The following MYO1B variants were observed in gnomAD, a reference collection of about 807,000 sequenced individuals.
MYO1B encodes the protein myosin IB.
Under a neutral mutation model 159.7 loss-of-function variants are expected in MYO1B, and 72 were observed. That is an observed-to-expected ratio of 0.45 (90% CI 0.37 to 0.55). The LOEUF is 0.55. Among genes scored for constraint, MYO1B ranks in the 20% least tolerant of loss-of-function variants. The pLI is 0.00. For synonymous variants in MYO1B, 468 were observed against 473.8 expected (o/e 0.99, Z 0.16); for missense variants, 1,062 against 1,364.8 (o/e 0.78, Z 3.50).
chr2:191,419,374 A>G (rs1697788643), intron 30 of MYO1B, among the ~76,000 whole-genome samples: 1 of 151,726 alleles, frequency 6.6e-6, no homozygotes, highest in Non-Finnish European at 1.5e-5. Flanking sequence ...GCCCGCCACC[A>G]CGCCCGGCTA....
At chr2:191,271,145 A>G (rs572764292) in intron 1 of MYO1B, among the ~76,000 whole-genome samples, 1 of 152,354 alleles carries the variant, frequency 6.6e-6, no homozygotes, top group South Asian at 2.1e-4. Flanking sequence ...TCATGCATAC[A>G]TGACCACTAT....
Position 191,409,033 on chromosome 2 carries a change from A to G in MYO1B, c.2632-11A>G, listed in dbSNP as rs775055541. On this transcript the variant is annotated splice_polypyrimidine_tract_variant and intron_variant, in intron 25 of 30. Coordinates refer to ENST00000392318, the MANE Select transcript of MYO1B (RefSeq NM_001130158.3). ...TTTCCTCATGTAGTATTTTCTGTCA[A>G]CCCAACACAGGTGCAAAAATACTTC... is the stretch of plus-strand genomic sequence containing the variant. The G allele has an allele frequency of 6.2e-6, 10 of 1,605,636 alleles. No homozygotes were observed. The highest frequency in any genetic ancestry group is 2.2e-5 in the East Asian group (1 of 44,726).
chr2:191,271,690 A>G (rs1220855688), intron 1 of MYO1B, among the ~76,000 whole-genome samples: 1 of 152,230 alleles, frequency 6.6e-6, no homozygotes, highest in Non-Finnish European at 1.5e-5. Context: ...TTCAAATTCA[A>G]TGGAGGAGCA....
chr2:191,291,991 A>G (rs1228359568), intron 2 of MYO1B, among the ~76,000 whole-genome samples: 1 of 152,194 alleles, frequency 6.6e-6, no homozygotes, highest in South Asian at 2.1e-4. Flanking sequence ...GAGTTATTCT[A>G]CTGGCCCATG....
chr2:191,292,262 TA>T (rs1688728802), intron 2 of MYO1B, among the ~76,000 whole-genome samples: 1 of 152,208 alleles, frequency 6.6e-6, no homozygotes, highest in African/African-American at 2.4e-5. Context: ...AGTCAAACTC[TA>T]AAATATTTAA....
intron 7 of MYO1B, among the ~76,000 whole-genome samples, chr2:191,354,256 AAATAATAATAATAAT>A (rs71030337): frequency 7.0e-4 from 100 of 143,854 alleles, no homozygotes; most frequent in East Asian, 2.4e-3. Context: ...ACTCCGTCTT[AAATAATAATAATAAT>A]AATAATAATA....
chr2:191,372,446 C>T (rs1286344469), intron 13 of MYO1B, among the ~76,000 whole-genome samples: 1 of 152,126 alleles, frequency 6.6e-6, no homozygotes, highest in Non-Finnish European at 1.5e-5. Context: ...AACTCATAAA[C>T]AATTCGAGTC....
At chr2:191,371,036 C>T (rs1478422345) in intron 13 of MYO1B, 1 of 152,182 alleles carries the variant, frequency 6.6e-6, no homozygotes, top group Non-Finnish European at 1.5e-5. Context: ...ACATTATCTA[C>T]TTATGTTAGA....
At chr2:191,358,056 T>C (rs942015767) in intron 7 of MYO1B, among the ~76,000 whole-genome samples, 1 of 152,204 alleles carries the variant, frequency 6.6e-6, no homozygotes, top group Non-Finnish European at 1.5e-5. Context: ...TTAGGCGAAT[T>C]CATGTATTTA....
At chr2:191,392,277 T>C in intron 19 of MYO1B, 76 bp downstream of exon 19, 1 of 1,054,310 alleles carries the variant, frequency 9.5e-7, no homozygotes. Context: ...TGTTTAACTT[T>C]ATAACATTAT....
intron 14 of MYO1B, among the ~76,000 whole-genome samples, 165 bp downstream of exon 14, chr2:191,381,731 A>G (rs534301315): frequency 1.2e-4 from 19 of 152,316 alleles, no homozygotes; most frequent in East Asian, 5.8e-4. Context: ...CTGATTACCT[A>G]TAAGAAGCTA....
At position 191,414,040 on chromosome 2, in the gene MYO1B, T is replaced by C; in HGVS notation, c.2874-8T>C. ...TATTTCTAATGTGCAGGAATTTTTT[T>C]CCTTTAGTGTTGGGCAACCATTCCA... On this transcript the variant is annotated splice_polypyrimidine_tract_variant and splice_region_variant and intron_variant, in intron 27 of 30. Transcript: ENST00000392318. 6.3e-7 allele frequency: 1 copy of C among 1,584,734 alleles called. No homozygotes were observed. The highest frequency in any genetic ancestry group is 1.2e-5 in the South Asian group (1 of 84,412).
At chr2:191,389,500 C>T (rs941319463) in intron 17 of MYO1B, among the ~76,000 whole-genome samples, 2 of 152,194 alleles carry the variant, frequency 1.3e-5, no homozygotes, top group Non-Finnish European at 2.9e-5. Flanking sequence ...GGCTGTCCAC[C>T]GTGTCAACAT....
chr2:191,305,511 C>T (rs1372445168), intron 3 of MYO1B, among the ~76,000 whole-genome samples: 1 of 152,198 alleles, frequency 6.6e-6, no homozygotes, highest in African/African-American at 2.4e-5. Flanking sequence ...TCCCAGATCC[C>T]CAAGTGCAAG....
chr2:191,353,255 T>G (rs764900338), intron 7 of MYO1B, among the ~76,000 whole-genome samples: 19 of 152,274 alleles, frequency 1.2e-4, no homozygotes, highest in Middle Eastern at 3.4e-3. Flanking sequence ...TCCTAGTTTG[T>G]TAAGGTTTGT....
At chr2:191,247,581 T>A (rs1435623759) in intron 1 of MYO1B, among the ~76,000 whole-genome samples, 1 of 152,228 alleles carries the variant, frequency 6.6e-6, no homozygotes, top group Non-Finnish European at 1.5e-5. Context: ...TCATTAGAAC[T>A]AACACACTGC....
intron 26 of MYO1B, 22 bp from the exon 27 acceptor site, chr2:191,411,044 T>C: frequency 7.3e-7 from 1 of 1,368,212 alleles, no homozygotes; most frequent in East Asian, 2.3e-5. Context: ...ATGTTTTGTT[T>C]CTTTCTTCTC....
rs1162826212 is a variant in MYO1B, at chr2:191,368,801, C to T, written c.1033-741C>T. On this transcript the variant is annotated intron_variant, in intron 11 of 30. Coordinates refer to ENST00000392318, the MANE Select transcript of MYO1B (RefSeq NM_001130158.3). ...CCAGTCTGGCTAACAAGGCAAAACC[C>T]TGTCTGTACAAAAAATACAAAAATT... Among the ~76,000 whole-genome samples, 3 of 152,028 alleles carry T rather than the reference C, an allele frequency of 2.0e-5. No individual in the cohort carries two copies. The East Asian group carries it at 5.8e-4, about 29-fold the overall frequency.
chr2:191,321,765 T>C (rs1002503523), intron 3 of MYO1B, among the ~76,000 whole-genome samples: 2 of 152,178 alleles, frequency 1.3e-5, no homozygotes, highest in Non-Finnish European at 2.9e-5. Flanking sequence ...TGAATATCTT[T>C]AGGAGTTTAC....
Sources: allele counts gnomAD v4.1 joint callset (sites outside exome capture counted in the v4.1 genomes callset), GRCh38; gene constraint gnomAD v4.1.1; transcripts MANE v1.5; gene names NCBI Gene and HGNC (gene_info 2026-07-23, HGNC 2026-07-21).